Variants in OXTR observed in about 807,000 individuals in gnomAD.
OXTR encodes the protein oxytocin receptor.
OXTR carries 19 observed loss-of-function variants against 23.9 expected under a neutral mutation model. That is an observed-to-expected ratio of 0.80 (90% confidence interval 0.56 to 1.17). OXTR has a LOEUF of 1.17. OXTR is among the 50% of genes most tolerant of loss of function. The pLI, the probability that OXTR is intolerant of heterozygous loss-of-function variation, is 0.00. For missense variants in OXTR, 500 were observed against 550.7 expected, an observed-to-expected ratio of 0.91 and a Z score of 0.92; for synonymous variants, 278 against 250.5, an observed-to-expected ratio of 1.11 and a Z score of -1.04.
chr3:8,763,264 T>C (rs1708528904), intron 3 of OXTR, among the ~76,000 whole-genome samples: 1 of 152,162 alleles, frequency 6.6e-6, no homozygotes, highest in South Asian at 2.1e-4. Flanking sequence ...GAAGGGGCCA[T>C]AGGTCACACC....
the OXTR span, among the ~76,000 whole-genome samples, chr3:8,744,266 A>G: frequency 1.3e-5 from 2 of 148,278 alleles, no homozygotes; most frequent in African/African-American, 5.1e-5. Context: ...TGTTTAATTG[A>G]CCAGTGGAAT....
chr3:8,767,417 C>T lies in OXTR; in HGVS notation c.771G>A (p.Leu257=). 1 of 1,609,054 alleles carries T rather than the reference C, an allele frequency of 6.2e-7. No individual in the cohort carries two copies. The highest frequency in any genetic ancestry group is 8.5e-7 in the Non-Finnish European group (1 of 1,177,916). ...AAAGDGGRVA[L]ARVSSVKLIS... is the part of the protein sequence containing the mutation. Reference sequence around the variant, plus strand: ...TGAGCTTGACGCTGCTGACACGCGCCAGGGCCACGCGCCCCCCATCGCCAG... The same window carrying T: ...TGAGCTTGACGCTGCTGACACGCGCTAGGGCCACGCGCCCCCCATCGCCAG... The change falls in exon 3 of 4, where the codon CTG becomes CTA. Residue 257 remains leucine (L), a synonymous_variant. Transcript: ENST00000316793.
chr3:8,762,635 C>T (rs1027302527), intron 3 of OXTR, among the ~76,000 whole-genome samples: 5 of 152,222 alleles, frequency 3.3e-5, no homozygotes, highest in African/African-American at 1.2e-4. Flanking sequence ...TCCCCCACAC[C>T]TCGGGCACAG....
rs750064097 is a variant in OXTR, at chr3:8,767,562, T to A, written c.626A>T (p.Tyr209Phe). 6.2e-7 allele frequency: 1 copy of A among 1,613,374 alleles called. No homozygotes were observed. The highest frequency in any genetic ancestry group is 1.1e-5 in the South Asian group (1 of 91,070). The change falls in exon 3 of 4, where the codon TAC (tyrosine) becomes TTC (phenylalanine). Residue 209 changes from tyrosine to phenylalanine, a missense_variant. By Grantham distance (22) the Tyr-to-Phe change is conservative. Coordinates refer to ENST00000316793, the MANE Select transcript of OXTR (RefSeq NM_000916.4). ...AYITWITLAVYIVPVIVLAAC... is the reference protein window; with the variant it reads ...AYITWITLAVFIVPVIVLAAC... Reference sequence around the variant, plus strand: ...AGCGAGCACGATGACCGGCACGATGTAGACAGCTAGCGTGATCCATGTGAT... The same window carrying A: ...AGCGAGCACGATGACCGGCACGATGAAGACAGCTAGCGTGATCCATGTGAT...
the OXTR span, chr3:8,742,525 A>G: frequency 2.2e-6 from 1 of 456,138 alleles, no homozygotes; most frequent in Non-Finnish European, 4.4e-6. Flanking sequence ...AGACTCATTT[A>G]TAACTAAGTA....
At chr3:8,764,100 G>A (rs896060910) in intron 3 of OXTR, among the ~76,000 whole-genome samples, 1 of 151,788 alleles carries the variant, frequency 6.6e-6, no homozygotes, top group African/African-American at 2.4e-5. Flanking sequence ...AGGGAGAGAT[G>A]GAAAAGAGAG....
In OXTR at chr3:8,750,498, A is replaced by G. The variant is rs1361055734; in HGVS notation, c.*2479T>C. On this transcript the variant is annotated 3_prime_UTR_variant, in exon 4 of 4. Transcript: ENST00000316793. ...CCACTAATTTCAGAACATTTTCATC[A>G]CCCGAAAAAGAAACCCCAAACCCTT... 1 of 152,176 alleles carries G rather than the reference A, an allele frequency of 6.6e-6. No homozygotes were observed. The highest frequency in any genetic ancestry group is 2.4e-5 in the African/African-American group (1 of 41,448). The allele number at this position is 152,176 out of a possible 1,614,324, so 9.4% of individuals were successfully genotyped here.
intron 3 of OXTR, among the ~76,000 whole-genome samples, chr3:8,765,287 G>A (rs1311138544): frequency 6.6e-6 from 1 of 152,212 alleles, no homozygotes; most frequent in Non-Finnish European, 1.5e-5. Flanking sequence ...AAGTGAGGGG[G>A]CTGAAAAGCA....
chr3:8,759,644 G>A (rs1034936701), intron 3 of OXTR, among the ~76,000 whole-genome samples: 1 of 152,214 alleles, frequency 6.6e-6, no homozygotes, highest in African/African-American at 2.4e-5. Context: ...GGAAAATTAA[G>A]TTCGCCCTCA....
chr3:8,767,157 C>T (rs1036589519), intron 3 of OXTR, 109 bp downstream of exon 3: 2 of 1,128,044 alleles, frequency 1.8e-6, no homozygotes, highest in Non-Finnish European at 2.4e-6. Flanking sequence ...ATTTCAAACC[C>T]GCTTATCCCC....
rs1708280923 is a variant in OXTR, at chr3:8,752,369, T to G, written c.*608A>C. ...TTATTTCTTTTTCTTTCCCAAATGC[T>G]TCTTAAACATTAGCTTCTTAAACAT... On this transcript the variant is annotated 3_prime_UTR_variant, in exon 4 of 4. Transcript: ENST00000316793. The G allele has an allele frequency of 6.5e-6, 1 of 152,680 alleles. No individual in the cohort carries two copies. Among genetic ancestry groups the G allele is most frequent in the Admixed American group, 6.5e-5 (1 of 15,294 alleles). 9.5% of individuals were successfully genotyped at this position (152,680 alleles called of 1,614,324 possible). A position where few individuals can be genotyped will look rare whatever the true frequency, so the allele number is the denominator to read the frequency against.
At chr3:8,744,586 A>G in the OXTR span, among the ~76,000 whole-genome samples, 1 of 151,756 alleles carries the variant, frequency 6.6e-6, no homozygotes, top group African/African-American at 2.4e-5. Context: ...CAGACAAGAC[A>G]GCTGAGGCTT....
At position 8,753,163 on chromosome 3, in the gene OXTR, G is replaced by A; in HGVS notation, c.984C>T (p.Ile328=). The A allele has an allele frequency of 6.2e-7, 1 of 1,614,188 alleles. No homozygotes were observed. Among genetic ancestry groups the A allele is most frequent in the Non-Finnish European group, 8.5e-7 (1 of 1,180,048 alleles). The change falls in exon 4 of 4, where the codon ATC becomes ATT. Residue 328 remains isoleucine (I), a synonymous_variant. Transcript: ENST00000316793. ...ASLNSCCNPW[I]YMLFTGHLFH... ...AGAGGTGGCCCGTGAACAGCATGTA[G>A]ATCCAGGGGTTGCAGCAGCTGTTGA...
chr3:8,759,334 G>T (rs536158717), intron 3 of OXTR, among the ~76,000 whole-genome samples: 1 of 152,066 alleles, frequency 6.6e-6, no homozygotes, highest in South Asian at 2.1e-4. Context: ...TGCAGTACTT[G>T]GTAAATAAAT....
chr3:8,768,653 A>C lies in OXTR; in HGVS notation c.-238-62T>G. On this transcript the variant is annotated intron_variant, in intron 1 of 3. Transcript: ENST00000316793. This position sits in a 1 kb window ranked among gnomAD's most constrained non-coding sequence, Gnocchi z 5.4. The stretch of plus-strand genomic sequence containing the variant: ...CTCCGGGAGTGGGAATCTAAAACCA[A>C]ATCACCTCCCCGAGGGAATCTCCAA... 1 of 154,808 alleles carries C rather than the reference A, an allele frequency of 6.5e-6. No homozygotes were observed. Among genetic ancestry groups the C allele is most frequent in the Non-Finnish European group, 1.4e-5 (1 of 69,976 alleles). 9.6% of individuals were successfully genotyped at this position (154,808 alleles called of 1,614,324 possible).
intron 3 of OXTR, among the ~76,000 whole-genome samples, chr3:8,761,039 C>T (rs753701513): frequency 7.2e-5 from 11 of 152,192 alleles, no homozygotes; most frequent in East Asian, 1.9e-4. Context: ...GCACGTAGCA[C>T]GTGGAGGACG....
At chr3:8,760,468 A>G (rs1708461584) in intron 3 of OXTR, among the ~76,000 whole-genome samples, 1 of 152,262 alleles carries the variant, frequency 6.6e-6, no homozygotes, top group African/African-American at 2.4e-5. Context: ...TGTGGACAGG[A>G]GCCTGCAGAG....
downstream of OXTR, chr3:8,746,063 C>G: frequency 1.7e-6 from 1 of 572,546 alleles, no homozygotes; most frequent in Middle Eastern, 4.6e-4. Context: ...CCTTCGCTCT[C>G]CCCCAGCCCC....
intron 3 of OXTR, among the ~76,000 whole-genome samples, chr3:8,764,354 A>G (rs910127006): frequency 2.6e-5 from 4 of 152,316 alleles, no homozygotes; most frequent in Admixed American, 2.6e-4. Context: ...TGTTAGCCAC[A>G]GGCTTCAGTA....
Sources: allele counts gnomAD v4.1 joint callset (sites outside exome capture counted in the v4.1 genomes callset), GRCh38; gene constraint gnomAD v4.1.1; non-coding constraint Gnocchi (gnomAD v3.1); transcripts MANE v1.5; gene names NCBI Gene and HGNC (gene_info 2026-07-23, HGNC 2026-07-21).